Variants in RGS5 observed in about 807,000 individuals in gnomAD.
RGS5 encodes regulator of G protein signaling 5.
A neutral mutation model predicts 18.9 loss-of-function variants in RGS5; 20 were observed. That is an observed-to-expected ratio of 1.06 (90% CI 0.74 to 1.54). The LOEUF is 1.54. Ranked by LOEUF, RGS5 falls within the 40% of genes most tolerant of loss-of-function variation. The pLI is 0.00. For missense variants in RGS5, 201 were observed against 211.8 expected (o/e 0.95, Z 0.32); for synonymous variants, 57 against 76.2 (o/e 0.75, Z 1.31).
intron 1 of RGS5, among the ~76,000 whole-genome samples, chr1:163,188,229 A>T (rs1230739271): frequency 6.6e-6 from 1 of 152,176 alleles, no homozygotes; most frequent in Non-Finnish European, 1.5e-5. Context: ...ACAAACTAAG[A>T]TGAGGCATGC....
chr1:163,170,825 C>T (rs538452799), intron 1 of RGS5, among the ~76,000 whole-genome samples: 13 of 152,186 alleles, frequency 8.5e-5, no homozygotes, highest in Non-Finnish European at 1.8e-4. Context: ...AAAACTGGGA[C>T]TGTTCTGCCG....
chr1:163,202,385 T>C (rs1659805847), intron 1 of RGS5, among the ~76,000 whole-genome samples: 1 of 152,156 alleles, frequency 6.6e-6, no homozygotes, highest in Non-Finnish European at 1.5e-5. Flanking sequence ...ATAAGGAAAC[T>C]GAGCTACATA....
intron 1 of RGS5, among the ~76,000 whole-genome samples, chr1:163,317,168 C>A (rs915268438): frequency 1.3e-5 from 2 of 152,096 alleles, no homozygotes; most frequent in African/African-American, 4.8e-5. Flanking sequence ...AACTGAATCA[C>A]CAGTTACCTC....
Position 163,147,289 on chromosome 1 carries a change from G to A in RGS5, c.*53C>T. On this transcript the variant is annotated 3_prime_UTR_variant, in exon 5 of 5. Transcript: ENST00000313961. ...ATATGTAGATTAATGGGAAATGCAG[G>A]GTTATTATGGAGGAAATAACTCACA... is the stretch of plus-strand genomic sequence containing the variant. 1.3e-6 allele frequency: 2 copies of A among 1,507,984 alleles called. No homozygotes were observed. Among genetic ancestry groups the A allele is most frequent in the African/African-American group, 1.4e-5 (1 of 71,346 alleles). 93.4% of individuals were successfully genotyped at this position (1,507,984 alleles called of 1,614,324 possible).
intron 1 of RGS5, among the ~76,000 whole-genome samples, chr1:163,320,764 C>T (rs1650174249): frequency 6.6e-6 from 1 of 152,174 alleles, no homozygotes; most frequent in Non-Finnish European, 1.5e-5. Flanking sequence ...AAGCCCTGAA[C>T]TAATGATATG....
At chr1:163,233,264 G>A (rs1306396952) in intron 2 of RGS5, among the ~76,000 whole-genome samples, 1 of 152,190 alleles carries the variant, frequency 6.6e-6, no homozygotes, top group Non-Finnish European at 1.5e-5. Context: ...TCTGGTCATT[G>A]ATGACATTAC....
intron 2 of RGS5, among the ~76,000 whole-genome samples, chr1:163,287,750 G>C (rs1649180529): frequency 6.6e-6 from 1 of 152,116 alleles, no homozygotes; most frequent in African/African-American, 2.4e-5. Context: ...TTACATCTTT[G>C]GGTAATTCTA....
At chr1:163,182,175 G>T (rs532086815) in intron 1 of RGS5, among the ~76,000 whole-genome samples, 1 of 152,278 alleles carries the variant, frequency 6.6e-6, no homozygotes, top group South Asian at 2.1e-4. Context: ...GATAGGATAG[G>T]ATAGGCTCAA....
At chr1:163,247,374 T>A (rs1166148285) in intron 2 of RGS5, among the ~76,000 whole-genome samples, 2 of 152,198 alleles carry the variant, frequency 1.3e-5, no homozygotes, top group Non-Finnish European at 2.9e-5. Flanking sequence ...ATTCTTAGGC[T>A]GTATGTTTCT....
At chr1:163,320,785 T>C (rs1650174902) in intron 1 of RGS5, among the ~76,000 whole-genome samples, 1 of 152,242 alleles carries the variant, frequency 6.6e-6, no homozygotes, top group Non-Finnish European at 1.5e-5. Flanking sequence ...AAATGTATTT[T>C]TATTTAGAAT....
rs1171195619 is a variant in RGS5, at chr1:163,146,330, G to C, written c.*1012C>G. 4 of 148,978 alleles carry C rather than the reference G, an allele frequency of 2.7e-5. No individual in the cohort carries two copies. The highest frequency in any genetic ancestry group is 4.4e-5 in the Non-Finnish European group (3 of 67,554). 9.2% of individuals were successfully genotyped at this position (148,978 alleles called of 1,614,324 possible). A position where few individuals can be genotyped will look rare whatever the true frequency, so the allele number is the denominator to read the frequency against. On this transcript the variant is annotated 3_prime_UTR_variant, in exon 5 of 5. Coordinates refer to ENST00000313961, the MANE Select transcript of RGS5 (RefSeq NM_003617.4). ...CTGTAATCACATTAATTTTTCTAAA[G>C]ACAATTTGGTGTTTTGAAGATAAAT...
At chr1:163,265,226 A>T (rs1648546594) in intron 2 of RGS5, among the ~76,000 whole-genome samples, 1 of 152,112 alleles carries the variant, frequency 6.6e-6, no homozygotes, top group Admixed American at 6.6e-5. Context: ...AATGACGATC[A>T]TATCCCTTAA....
chr1:163,303,407 T>A (rs1433109818), intron 2 of RGS5, among the ~76,000 whole-genome samples: 2 of 152,224 alleles, frequency 1.3e-5, no homozygotes, highest in Non-Finnish European at 1.5e-5. Context: ...TTTAGTCCAA[T>A]CTTCTAGCTT....
At chr1:163,155,178 T>C (rs2102386229) in intron 3 of RGS5, among the ~76,000 whole-genome samples, 1 of 152,104 alleles carries the variant, frequency 6.6e-6, no homozygotes, top group East Asian at 1.9e-4. Flanking sequence ...TAGCCCCATA[T>C]CCCCACAACC....
At chr1:163,165,418 GT>G (rs1657996364) in intron 2 of RGS5, among the ~76,000 whole-genome samples, 1 of 152,202 alleles carries the variant, frequency 6.6e-6, no homozygotes, top group Non-Finnish European at 1.5e-5. Context: ...TGATGATTTT[GT>G]AAGCCATGAT....
chr1:163,164,983 C>T (rs1193271603), intron 2 of RGS5, among the ~76,000 whole-genome samples: 4 of 152,218 alleles, frequency 2.6e-5, no homozygotes, highest in Admixed American at 2.6e-4. Context: ...CCTCTCCCTT[C>T]CTGCCCAACA....
intron 1 of RGS5, among the ~76,000 whole-genome samples, chr1:163,321,034 C>T (rs915230367): frequency 1.3e-5 from 2 of 152,192 alleles, no homozygotes; most frequent in Admixed American, 6.5e-5. Flanking sequence ...CCCTGACAAC[C>T]AGGCCTGCCA....
intron 1 of RGS5, chr1:163,172,734 T>C (rs1396594975): frequency 1.1e-6 from 1 of 937,822 alleles, no homozygotes; most frequent in East Asian, 2.7e-5. Context: ...TTAAATTTAA[T>C]TAGGAGTTCA....
intron 2 of RGS5, among the ~76,000 whole-genome samples, chr1:163,165,963 CA>C (rs1331435961): frequency 6.6e-6 from 1 of 151,280 alleles, no homozygotes; most frequent in Non-Finnish European, 1.5e-5. Flanking sequence ...ATGCTGCAGA[CA>C]AGTCACAGAT....
Sources: gnomAD v4.1 joint callset for allele counts (sites outside exome capture counted in the v4.1 genomes callset) on GRCh38, gnomAD v4.1.1 for gene constraint, MANE v1.5 for transcripts, NCBI Gene and HGNC (gene_info 2026-07-23, HGNC 2026-07-21) for gene names.